Variants in LBHD1 observed in about 807,000 individuals in gnomAD.
LBHD1 encodes LBH domain-containing protein 1.
LBHD1 carries 28 observed loss-of-function variants against 31.1 expected under a neutral mutation model. That is an observed-to-expected ratio of 0.90 (90% CI 0.67 to 1.24). The LOEUF (loss-of-function observed/expected upper bound fraction) is 1.24, where lower values mean the gene tolerates loss of function less well. Ranked by LOEUF, LBHD1 falls within the 50% of genes most tolerant of loss-of-function variation. The probability of loss-of-function intolerance (pLI) is 0.00; values close to 1 mark genes in which losing one functional copy is unlikely to be tolerated. For synonymous variants in LBHD1, 105 were observed against 116.5 expected (o/e 0.90, Z 0.63); for missense variants, 350 against 323.0 (o/e 1.08, Z -0.64).
In LBHD1 at chr11:62,665,312, C is replaced by T. The variant is rs73502133; in HGVS notation, c.539-339G>A. 5,796 of 727,300 alleles carry T rather than the reference C, an allele frequency of 8.0e-3. 235 individuals carry two copies. In the African/African-American group the frequency reaches 0.09, roughly 11 times the overall value. The allele number at this position is 727,300 out of a possible 1,614,324, so 45.1% of individuals were successfully genotyped here. The stretch of plus-strand genomic sequence containing the variant: ...AAAGGAGCTCCGCGGTGCGGGAGGC[C>T]TTTCGGAGGGTGGTGAGCTAGTAAG... On this transcript the variant is annotated intron_variant, in intron 4 of 6. Transcript: ENST00000354588.
Position 62,665,149 on chromosome 11 carries a change from C to CT in LBHD1, c.539-177dup, listed in dbSNP as rs912008099. 3.1e-6 allele frequency: 3 copies of CT among 975,784 alleles called. No individual in the cohort carries two copies. In the African/African-American group the frequency reaches 4.8e-5, roughly 16 times the overall value. The allele number at this position is 975,784 out of a possible 1,614,324, so 60.4% of individuals were successfully genotyped here. ...CAGTCACCGTTCGGGGCCGGTTGAT[C>CT]TTTCCCCCCGGAGCTCCCATAGTCG... On this transcript the variant is annotated intron_variant, in intron 4 of 6. Coordinates refer to ENST00000354588, the MANE Select transcript of LBHD1 (RefSeq NM_024099.5).
At position 62,666,891 on chromosome 11, in the gene LBHD1, T is replaced by G. The variant is rs772068727; in HGVS notation, c.538+632A>C. The G allele has an allele frequency of 2.1e-5, 34 of 1,614,068 alleles. No homozygotes were observed. Among genetic ancestry groups the G allele is most frequent in the Non-Finnish European group, 2.8e-5 (33 of 1,180,030 alleles). ...CTTCTATCAGAATGCTTGAGGGTTC[T>G]AAACCCTCAGGGGACCCTGATTCAG... On this transcript the variant is annotated intron_variant, in intron 4 of 6. Coordinates refer to ENST00000354588, the MANE Select transcript of LBHD1 (RefSeq NM_024099.5).
In LBHD1 at chr11:62,672,025, C is replaced by T. The variant is rs747505901; in HGVS notation, c.-472G>A. On this transcript the variant is annotated 5_prime_UTR_variant, in exon 1 of 7. Transcript: ENST00000354588. ...CCAGCAGCTATTGCTGGCCACTCTG[C>T]AGGAGGCAGCGACCACGCAGGAGAA... is the stretch of plus-strand genomic sequence containing the variant. 3 of 1,613,110 alleles carry T rather than the reference C, an allele frequency of 1.9e-6. No homozygotes were observed. Among genetic ancestry groups the T allele is most frequent in the Non-Finnish European group, 2.5e-6 (3 of 1,179,760 alleles).
Position 62,671,990 on chromosome 11 carries a change from C to A in LBHD1, c.-437G>T, listed in dbSNP as rs1447247585. 1 of 1,613,918 alleles carries A rather than the reference C, an allele frequency of 6.2e-7. No homozygotes were observed. The highest frequency in any genetic ancestry group is 1.1e-5 in the South Asian group (1 of 91,074). ...CAGGACCCAAGGAGCAGGGAGGAGG[C>A]GGCCAGGACCCAGCAGCTATTGCTG... On this transcript the variant is annotated 5_prime_UTR_variant, in exon 1 of 7. Coordinates refer to ENST00000354588, the MANE Select transcript of LBHD1 (RefSeq NM_024099.5).
At chr11:62,669,210 G>A (rs966849108) in intron 3 of LBHD1, among the ~76,000 whole-genome samples, 10 of 152,012 alleles carry the variant, frequency 6.6e-5, no homozygotes, top group East Asian at 5.8e-4. Context: ...GTGAGCCACC[G>A]CGGCCAGCCT....
Position 62,669,739 on chromosome 11 carries a change from C to T in LBHD1, c.215G>A (p.Ser72Asn). 1.2e-6 allele frequency: 2 copies of T among 1,614,224 alleles called. No individual in the cohort carries two copies. The highest frequency in any genetic ancestry group is 8.5e-7 in the Non-Finnish European group (1 of 1,180,038). The change falls in exon 3 of 7, where the codon AGT becomes AAT. Residue 72 changes from serine to asparagine, a missense_variant. Physicochemically the swap from Ser to Asn is conservative, Grantham distance 46 (BLOSUM62 1). Transcript: ENST00000354588. ...VVESSEVNEESGDLHLPHEEL... is the reference protein window; with the variant it reads ...VVESSEVNEENGDLHLPHEEL... ...CTCATGGGGCAAATGGAGATCCCCA[C>T]TCTCTTCATTCACCTCACTGGATTC... is the stretch of plus-strand genomic sequence containing the variant.
At position 62,671,547 on chromosome 11, in the gene LBHD1, A is replaced by G; in HGVS notation, c.-11+17T>C. ...GGTGCCAGCACTTCTTGGACACCTC[A>G]ACCCCCTCAGCTAAACCTGAGATCC... On this transcript the variant is annotated intron_variant, in intron 1 of 6. Transcript: ENST00000354588. 7.0e-7 allele frequency: 1 copy of G among 1,424,432 alleles called. No homozygotes were observed. The highest frequency in any genetic ancestry group is 9.2e-7 in the Non-Finnish European group (1 of 1,091,704). The allele number at this position is 1,424,432 out of a possible 1,614,324, so 88.2% of individuals were successfully genotyped here.
intron 3 of LBHD1, chr11:62,668,582 C>G (rs1344481352): frequency 1.3e-5 from 2 of 151,386 alleles, no homozygotes; most frequent in Non-Finnish European, 2.9e-5. Context: ...GAGGCCCAGG[C>G]AGGCGGATCA....
Position 62,672,161 on chromosome 11 carries a change from A to C in LBHD1, c.-608T>G. 1 of 1,526,762 alleles carries C rather than the reference A, an allele frequency of 6.5e-7. No individual in the cohort carries two copies. The highest frequency in any genetic ancestry group is 8.8e-7 in the Non-Finnish European group (1 of 1,136,232). The allele number at this position is 1,526,762 out of a possible 1,614,324, so 94.6% of individuals were successfully genotyped here. On this transcript the variant is annotated 5_prime_UTR_variant, in exon 1 of 7. It adds an upstream start codon to the 5' untranslated region. Coordinates refer to ENST00000354588, the MANE Select transcript of LBHD1 (RefSeq NM_024099.5). Reference sequence around the variant, plus strand: ...CGCCGGACCTTGGCTTGGGCGCAGGAATCCGAGGCAGCCTTTCTCCTTCGT... The same window carrying C: ...CGCCGGACCTTGGCTTGGGCGCAGGCATCCGAGGCAGCCTTTCTCCTTCGT...
Position 62,671,067 on chromosome 11 carries a change from C to T in LBHD1, c.-11+497G>A, listed in dbSNP as rs1308381174. On this transcript the variant is annotated intron_variant, in intron 1 of 6. Transcript: ENST00000354588. ...TGAGCCATGATCGCGCCACTGCACTCCAGCCCTGGGCGACAGAGCGAGACC... is the reference window on the plus strand; with the variant it reads ...TGAGCCATGATCGCGCCACTGCACTTCAGCCCTGGGCGACAGAGCGAGACC... 3 of 328,358 alleles carry T rather than the reference C, an allele frequency of 9.1e-6. No individual in the cohort carries two copies. In the East Asian group the frequency reaches 2.3e-4, roughly 25 times the overall value. 20.3% of individuals were successfully genotyped at this position (328,358 alleles called of 1,614,324 possible).
chr11:62,663,346 T>C lies in LBHD1; in HGVS notation c.664-13A>G, dbSNP rs376840429. 1.1e-4 allele frequency: 182 copies of C among 1,611,852 alleles called. No homozygotes were observed. Among genetic ancestry groups the C allele is most frequent in the Non-Finnish European group, 1.5e-4 (172 of 1,179,056 alleles). On this transcript the variant is annotated splice_polypyrimidine_tract_variant and intron_variant, in intron 5 of 6. Transcript: ENST00000354588. ...ACGTGCACTGGACCTGATGGGTAAGTGGAAATAAAGAGAGCTAGGTTAACC... is the reference window on the plus strand; with the variant it reads ...ACGTGCACTGGACCTGATGGGTAAGCGGAAATAAAGAGAGCTAGGTTAACC...
Position 62,671,648 on chromosome 11 carries a change from G to T in LBHD1, c.-95C>A, listed in dbSNP as rs568086171. On this transcript the variant is annotated 5_prime_UTR_variant, in exon 1 of 7. Transcript: ENST00000354588. ...CGCTTATCTATGGTTTCTGCTATAG[G>T]GCGCTCTAGCCTGCGCCAAGGGGTA... The T allele has an allele frequency of 6.5e-7, 1 of 1,549,080 alleles. No individual in the cohort carries two copies. The highest frequency in any genetic ancestry group is 1.4e-5 in the African/African-American group (1 of 73,138).
rs748857302 is a variant in LBHD1, at chr11:62,672,102, G to T, written c.-549C>A. On this transcript the variant is annotated 5_prime_UTR_variant, in exon 1 of 7. Coordinates refer to ENST00000354588, the MANE Select transcript of LBHD1 (RefSeq NM_024099.5). ...TTGGCGGCGAAGGCGGCGCCGGCGG[G>T]AGGTCACCGTGAGACCGGACTTGCC... is the stretch of plus-strand genomic sequence containing the variant. The T allele has an allele frequency of 1.3e-6, 2 of 1,580,064 alleles. No individual in the cohort carries two copies. Among genetic ancestry groups the T allele is most frequent in the Non-Finnish European group, 1.7e-6 (2 of 1,163,992 alleles).
intron 5 of LBHD1, among the ~76,000 whole-genome samples, chr11:62,664,073 A>C (rs1255312035): frequency 2.2e-5 from 3 of 139,000 alleles, no homozygotes; most frequent in Non-Finnish European, 4.7e-5. Context: ...ACTCTGTCTC[A>C]AAAAAGAGGA....
rs1944819849 is a variant in LBHD1, at chr11:62,666,596, T to C, written c.538+927A>G. 1.7e-5 allele frequency: 28 copies of C among 1,614,152 alleles called. No individual in the cohort carries two copies. The highest frequency in any genetic ancestry group is 2.2e-5 in the Non-Finnish European group (26 of 1,180,016). On this transcript the variant is annotated intron_variant, in intron 4 of 6. Transcript: ENST00000354588. Reference sequence around the variant, plus strand: ...TGTGGGCTGTGGGACTTCCAGCCTATGTACAGGCCTCTACACCAAATCTCC... The same window carrying C: ...TGTGGGCTGTGGGACTTCCAGCCTACGTACAGGCCTCTACACCAAATCTCC...
chr11:62,669,922 C>T lies in LBHD1; in HGVS notation c.110G>A (p.Arg37Lys). 1 of 1,614,236 alleles carries T rather than the reference C, an allele frequency of 6.2e-7. No homozygotes were observed. Among genetic ancestry groups the T allele is most frequent in the Non-Finnish European group, 8.5e-7 (1 of 1,180,040 alleles). ...ACCTTCAACCTTGCCAATTTTTCCT[C>T]TGTCCCAGAGAGGGTTGGGCAGCCT... is the stretch of plus-strand genomic sequence containing the variant. ...SPRLPNPLWD[R>K]GKIGKVEGHQ... Residue 37 changes from arginine (R) to lysine (K), a missense_variant, in exon 2 of 7, where the codon AGA becomes AAA. Arg to Lys is a conservative substitution (Grantham distance 26, BLOSUM62 2). Coordinates refer to ENST00000354588, the MANE Select transcript of LBHD1 (RefSeq NM_024099.5).
At chr11:62,669,373 G>T in intron 3 of LBHD1, 1 of 982,186 alleles carries the variant, frequency 1.0e-6, no homozygotes, top group Non-Finnish European at 1.2e-6. Context: ...CTCCAGTCTG[G>T]GTGACAGAGC....
chr11:62,670,160 T>C, intron 1 of LBHD1, 119 bp from the exon 2 acceptor site: 1 of 1,084,832 alleles, frequency 9.2e-7, no homozygotes, highest in Non-Finnish European at 1.3e-6. Flanking sequence ...GCTAAGCGAT[T>C]ATACGCTTTC....
chr11:62,666,976 G>A, intron 4 of LBHD1: 1 of 1,614,150 alleles, frequency 6.2e-7, no homozygotes, highest in Non-Finnish European at 8.5e-7. Context: ...CCTATGGCTG[G>A]ACTGTGACTG....
Sources: allele counts gnomAD v4.1 joint callset (sites outside exome capture counted in the v4.1 genomes callset), GRCh38; gene constraint gnomAD v4.1.1; transcripts MANE v1.5; gene names NCBI Gene and HGNC (gene_info 2026-07-23, HGNC 2026-07-21).